Variants in ZNF532 observed in about 807,000 individuals in gnomAD.
ZNF532 encodes the protein zinc finger protein 532.
In ZNF532, 22 loss-of-function variants were observed where a neutral mutation model predicts 89.3. The ratio of observed to expected loss-of-function variants is 0.25; its 90% CI spans 0.18 to 0.35. The LOEUF (loss-of-function observed/expected upper bound fraction) is 0.35. ZNF532 is among the 10% of genes least tolerant of loss of function. The probability of loss-of-function intolerance (pLI) is 1.00; values close to 1 mark genes in which losing one functional copy is unlikely to be tolerated. For missense variants in ZNF532, 1,132 were observed against 1,643.4 expected (o/e 0.69, Z 5.38); for synonymous variants, 606 against 649.6 (o/e 0.93, Z 1.02).
intron 2 of ZNF532, among the ~76,000 whole-genome samples, chr18:58,872,032 A>G (rs568909739): frequency 9.2e-5 from 14 of 152,338 alleles, no homozygotes; most frequent in South Asian, 4.1e-4. Flanking sequence ...AGGAAGTTCT[A>G]TATTCTGGCT....
At chr18:58,913,626 TA>T (rs1444592721) in intron 2 of ZNF532, among the ~76,000 whole-genome samples, 1 of 151,850 alleles carries the variant, frequency 6.6e-6, no homozygotes, top group Non-Finnish European at 1.5e-5. Context: ...ATAAAAGAAT[TA>T]TTTTTTTAAA....
chr18:58,947,391 C>T (rs1318113041), intron 5 of ZNF532, among the ~76,000 whole-genome samples: 1 of 152,126 alleles, frequency 6.6e-6, no homozygotes, highest in Non-Finnish European at 1.5e-5. Flanking sequence ...GAGGAGGCTG[C>T]TTGTTAGTAA....
In ZNF532 at chr18:58,985,143, A is replaced by G. The variant is rs2068269056; in HGVS notation, c.*677A>G. The G allele has an allele frequency of 6.6e-6, 1 of 152,188 alleles. No individual in the cohort carries two copies. The highest frequency in any genetic ancestry group is 6.5e-5 in the Admixed American group (1 of 15,274). The allele number at this position is 152,188 out of a possible 1,614,324, so 9.4% of individuals were successfully genotyped here. On this transcript the variant is annotated 3_prime_UTR_variant, in exon 10 of 10. Coordinates refer to ENST00000591808, the MANE Select transcript of ZNF532 (RefSeq NM_001375912.1). Reference sequence around the variant, plus strand: ...ACTGAAGCTAGGAATCTAATAAGGAATGCTGATTTCCTCAGTTCCATTTTG... The same window carrying G: ...ACTGAAGCTAGGAATCTAATAAGGAGTGCTGATTTCCTCAGTTCCATTTTG...
At chr18:58,978,763 T>C (rs2067351263) in intron 7 of ZNF532, among the ~76,000 whole-genome samples, 1 of 152,242 alleles carries the variant, frequency 6.6e-6, no homozygotes, top group African/African-American at 2.4e-5. Flanking sequence ...ATACATAATA[T>C]CTTGGGACTC....
intron 2 of ZNF532, among the ~76,000 whole-genome samples, chr18:58,891,505 G>C (rs1222462061): frequency 6.6e-6 from 1 of 152,200 alleles, no homozygotes; most frequent in Non-Finnish European, 1.5e-5. Flanking sequence ...ACTCCAGTCT[G>C]GGTGACACAG....
At chr18:58,935,927 G>T (rs1189391957) in intron 4 of ZNF532, among the ~76,000 whole-genome samples, 1 of 152,038 alleles carries the variant, frequency 6.6e-6, no homozygotes, top group South Asian at 2.1e-4. Context: ...TTAAGTTTAG[G>T]TTCTGGTATC....
At chr18:58,949,162 C>G (rs1380479061) in intron 6 of ZNF532, among the ~76,000 whole-genome samples, 1 of 152,070 alleles carries the variant, frequency 6.6e-6, no homozygotes, top group East Asian at 1.9e-4. Flanking sequence ...GTTTTACTCT[C>G]CAACCCCCAA....
chr18:58,956,835 G>A (rs1197200274), intron 7 of ZNF532, among the ~76,000 whole-genome samples: 1 of 151,968 alleles, frequency 6.6e-6, no homozygotes, highest in Non-Finnish European at 1.5e-5. Context: ...CTCTCTCCTG[G>A]GTTCTCTCAC....
chr18:58,949,572 A>G (rs578200958), intron 6 of ZNF532, among the ~76,000 whole-genome samples: 29 of 152,286 alleles, frequency 1.9e-4, no homozygotes, highest in Non-Finnish European at 3.4e-4. Flanking sequence ...GCTACTTGGG[A>G]GGCTGAGGCA....
chr18:58,895,882 A>C (rs2059215818), intron 2 of ZNF532, among the ~76,000 whole-genome samples: 1 of 147,316 alleles, frequency 6.8e-6, no homozygotes. Flanking sequence ...AGATGGTCTC[A>C]CTCTGTCGAC....
chr18:58,955,857 TC>T (rs1470177897), intron 7 of ZNF532, among the ~76,000 whole-genome samples: 1 of 152,206 alleles, frequency 6.6e-6, no homozygotes, highest in African/African-American at 2.4e-5. Context: ...GAGCAATACT[TC>T]AATAATCTAC....
At chr18:58,965,635 C>T (rs562487940) in intron 7 of ZNF532, among the ~76,000 whole-genome samples, 4 of 152,258 alleles carry the variant, frequency 2.6e-5, no homozygotes, top group Admixed American at 1.3e-4. Flanking sequence ...ATTAACTGGA[C>T]GTGTGTGTAG....
rs1189756637 is a variant in ZNF532 at position 58,981,632 on chromosome 18, A to G, written c.3411+15A>G. ...AAGACACTAAGGTCTAACATTGCAG[A>G]TGTTTGCTTTACAGTGAAATTGTGT... On this transcript the variant is annotated intron_variant, in intron 9 of 9. Coordinates refer to ENST00000591808, the MANE Select transcript of ZNF532 (RefSeq NM_001375912.1). 4.3e-6 allele frequency: 7 copies of G among 1,613,658 alleles called. No individual in the cohort carries two copies. Among genetic ancestry groups the G allele is most frequent in the African/African-American group, 2.7e-5 (2 of 74,920 alleles).
At chr18:58,891,043 C>T (rs1322569389) in intron 2 of ZNF532, among the ~76,000 whole-genome samples, 2 of 152,060 alleles carry the variant, frequency 1.3e-5, no homozygotes, top group Admixed American at 6.6e-5. Flanking sequence ...CTCAGCCTCC[C>T]GAGTAGCTAG....
Position 58,901,286 on chromosome 18 carries a change from C to T in ZNF532, c.-17-16985C>T, listed in dbSNP as rs191953705. ...TTTTTTTCTTTTTTAGAGATGGAGT[C>T]TAGCTATGTTGGCCAGGTTGGTCCT... is the stretch of plus-strand genomic sequence containing the variant. On this transcript the variant is annotated intron_variant, in intron 2 of 9. Coordinates refer to ENST00000591808, the MANE Select transcript of ZNF532 (RefSeq NM_001375912.1). Among the ~76,000 whole-genome samples the T allele has an allele frequency of 1.4e-3, 215 of 152,222 alleles. 1 individual carries two copies. The highest frequency in any genetic ancestry group is 4.7e-3 in the African/African-American group (197 of 41,560).
intron 5 of ZNF532, among the ~76,000 whole-genome samples, chr18:58,944,452 A>T (rs2063484169): frequency 6.6e-6 from 1 of 151,742 alleles, no homozygotes; most frequent in Admixed American, 6.6e-5. Flanking sequence ...TTAGGTCCAG[A>T]CTTCCAGGTT....
intron 2 of ZNF532, among the ~76,000 whole-genome samples, chr18:58,896,779 A>G (rs774750751): frequency 6.6e-6 from 1 of 152,222 alleles, no homozygotes; most frequent in African/African-American, 2.4e-5. Context: ...GAAAAGACCA[A>G]TCGATTGGAA....
chr18:58,863,315 G>A (rs2056115204), upstream of ZNF532: 1 of 151,320 alleles, frequency 6.6e-6, no homozygotes, highest in Non-Finnish European at 1.5e-5. Flanking sequence ...CCGTATGGGC[G>A]AGACTTGGCA....
chr18:58,885,429 A>G (rs1271610633), intron 2 of ZNF532, among the ~76,000 whole-genome samples: 1 of 152,220 alleles, frequency 6.6e-6, no homozygotes. Flanking sequence ...TTACAGATAT[A>G]CATTATGACC....
Sources: gnomAD v4.1 joint callset for allele counts (sites outside exome capture counted in the v4.1 genomes callset) on GRCh38, gnomAD v4.1.1 for gene constraint, MANE v1.5 for transcripts, NCBI Gene and HGNC (gene_info 2026-07-23, HGNC 2026-07-21) for gene names.